SNX27: variants seen among roughly 807,000 people sequenced by gnomAD.
The protein encoded by SNX27 is sorting nexin-27.
In SNX27, 22 loss-of-function variants were observed where a neutral mutation model predicts 71.6. The ratio of observed to expected loss-of-function variants is 0.31; its 90% CI spans 0.22 to 0.44. The LOEUF is 0.44. Among genes scored for constraint, SNX27 ranks in the 20% least tolerant of loss-of-function variants. SNX27 has a pLI of 1.00. For synonymous variants in SNX27, 269 were observed against 277.2 expected, an observed-to-expected ratio of 0.97 and a Z score of 0.29; for missense variants, 531 against 698.6, an observed-to-expected ratio of 0.76 and a Z score of 2.70.
At chr1:151,682,984 G>A (rs889238894) in intron 7 of SNX27, among the ~76,000 whole-genome samples, 1 of 152,100 alleles carries the variant, frequency 6.6e-6, no homozygotes, top group Non-Finnish European at 1.5e-5. Flanking sequence ...TCAGTGAGTC[G>A]AGATTGTGCC....
At chr1:151,689,446 G>A (rs752696946) in intron 8 of SNX27, among the ~76,000 whole-genome samples, 4 of 152,176 alleles carry the variant, frequency 2.6e-5, no homozygotes, top group Non-Finnish European at 5.9e-5. Flanking sequence ...GAGAGTTTAA[G>A]GTACTCAGAG....
chr1:151,634,506 A>G (rs1010139045), intron 1 of SNX27, among the ~76,000 whole-genome samples: 10 of 152,288 alleles, frequency 6.6e-5, no homozygotes, highest in African/African-American at 2.4e-4. Flanking sequence ...CAGTTTCCCT[A>G]GCTGGCCAAC....
intron 1 of SNX27, among the ~76,000 whole-genome samples, chr1:151,617,363 C>T (rs1667467997): frequency 6.6e-6 from 1 of 152,166 alleles, no homozygotes; most frequent in African/African-American, 2.4e-5. Flanking sequence ...ACTGCAACCT[C>T]CGCCTCCCGG....
chr1:151,678,352 A>G (rs146912290), intron 7 of SNX27: 1 of 152,292 alleles, frequency 6.6e-6, no homozygotes, highest in East Asian at 1.9e-4. Context: ...ATTATACACT[A>G]TTTGCCTTTG....
At chr1:151,643,921 A>G (rs547979305) in intron 2 of SNX27, among the ~76,000 whole-genome samples, 10 of 152,254 alleles carry the variant, frequency 6.6e-5, no homozygotes, top group African/African-American at 2.4e-4. Context: ...TGGCCTCCCA[A>G]GGTGCTGAGA....
chr1:151,616,265 A>G (rs1482073393), intron 1 of SNX27, among the ~76,000 whole-genome samples: 1 of 152,216 alleles, frequency 6.6e-6, no homozygotes, highest in Non-Finnish European at 1.5e-5. Context: ...TTAAGGTTAA[A>G]GTAGTTCCAA....
intron 1 of SNX27, among the ~76,000 whole-genome samples, chr1:151,621,918 G>T (rs1214783230): frequency 6.6e-6 from 1 of 152,110 alleles, no homozygotes; most frequent in Non-Finnish European, 1.5e-5. Flanking sequence ...AATGAGTTTT[G>T]TTCTCTCTAC....
At chr1:151,646,439 C>T (rs1271980043) in intron 2 of SNX27, among the ~76,000 whole-genome samples, 3 of 151,332 alleles carry the variant, frequency 2.0e-5, no homozygotes, top group African/African-American at 7.3e-5. Context: ...TCATTTCCTG[C>T]CTTCTTTTGG....
chr1:151,683,015 A>G (rs1409722234), intron 7 of SNX27, among the ~76,000 whole-genome samples: 1 of 152,170 alleles, frequency 6.6e-6, no homozygotes, highest in African/African-American at 2.4e-5. Flanking sequence ...AGCCTGGGTG[A>G]CAGAGCCAGA....
intron 4 of SNX27, chr1:151,661,649 A>G (rs1181776408): frequency 6.6e-6 from 1 of 152,366 alleles, no homozygotes. Flanking sequence ...CTAGAAGAAA[A>G]TTGGGCATCA....
At chr1:151,642,244 G>A (rs1356278922) in intron 2 of SNX27, among the ~76,000 whole-genome samples, 6 of 151,498 alleles carry the variant, frequency 4.0e-5, no homozygotes, top group South Asian at 4.2e-4. Flanking sequence ...AAAATTAGCC[G>A]GGCGTGGTGG....
intron 2 of SNX27, among the ~76,000 whole-genome samples, chr1:151,651,688 G>T (rs1669388750): frequency 1.3e-5 from 2 of 151,886 alleles, no homozygotes; most frequent in African/African-American, 4.8e-5. Flanking sequence ...TGGGATGGCG[G>T]CTGGGCGGAG....
intron 11 of SNX27, chr1:151,693,828 T>C (rs1671577844): frequency 4.9e-6 from 7 of 1,439,298 alleles, no homozygotes; most frequent in Non-Finnish European, 6.3e-6. Flanking sequence ...CTGTCCTCAG[T>C]TGTAGCCGTC....
intron 2 of SNX27, among the ~76,000 whole-genome samples, chr1:151,651,000 T>A (rs1669312659): frequency 6.6e-6 from 1 of 152,158 alleles, no homozygotes; most frequent in Non-Finnish European, 1.5e-5. Flanking sequence ...CATGTCTACT[T>A]CTTTCTACAC....
At chr1:151,693,150 C>T (rs780012672) in intron 10 of SNX27, 111 bp downstream of exon 10, 10 of 1,451,116 alleles carry the variant, frequency 6.9e-6, no homozygotes, top group East Asian at 2.3e-5. Context: ...TCTTGAGATC[C>T]GAACCTGTTT....
intron 7 of SNX27, chr1:151,669,377 T>G (rs1670357643): frequency 6.6e-6 from 1 of 152,238 alleles, no homozygotes; most frequent in African/African-American, 2.4e-5. Context: ...TCTTTACATT[T>G]TATTTTTCCC....
intron 2 of SNX27, among the ~76,000 whole-genome samples, chr1:151,652,638 C>A (rs1669468754): frequency 6.6e-6 from 1 of 151,992 alleles, no homozygotes; most frequent in Admixed American, 6.6e-5. Flanking sequence ...GTCTCGAACT[C>A]CTGACGTTGT....
At chr1:151,690,402 G>A (rs928023363) in intron 8 of SNX27, among the ~76,000 whole-genome samples, 1 of 151,946 alleles carries the variant, frequency 6.6e-6, no homozygotes, top group African/African-American at 2.4e-5. Context: ...TTTATTAAAT[G>A]CCTAATTATG....
intron 2 of SNX27, among the ~76,000 whole-genome samples, chr1:151,645,983 TTTTCA>T (rs1669017483): frequency 6.6e-6 from 1 of 152,078 alleles, no homozygotes; most frequent in Non-Finnish European, 1.5e-5. Context: ...TGAAATGGAG[TTTTCA>T]GTTCTGTCAG....
Sources: allele counts gnomAD v4.1 joint callset (sites outside exome capture counted in the v4.1 genomes callset), GRCh38; gene constraint gnomAD v4.1.1; transcripts MANE v1.5; gene names NCBI Gene and HGNC (gene_info 2026-07-23, HGNC 2026-07-21).